ADGRV1: variants seen among roughly 807,000 people sequenced by gnomAD.
ADGRV1 encodes the protein adhesion G protein-coupled receptor V1.
A neutral mutation model predicts 596.2 loss-of-function variants in ADGRV1; 359 were observed. That is an observed-to-expected ratio of 0.60 (90% CI 0.55 to 0.66). ADGRV1 has a LOEUF of 0.66. Among genes scored for constraint, ADGRV1 ranks in the 30% least tolerant of loss-of-function variants. The pLI is 0.00. For synonymous variants in ADGRV1, 2,681 were observed against 2,679.2 expected (o/e 1.00, Z -0.02); for missense variants, 7,274 against 7,575.6 (o/e 0.96, Z 1.48).
At chr5:90,930,956 G>T (rs961850918) in intron 83 of ADGRV1, among the ~76,000 whole-genome samples, 9 of 152,190 alleles carry the variant, frequency 5.9e-5, no homozygotes, top group African/African-American at 2.2e-4. Context: ...TGTTGCATCA[G>T]TGATAAGAAA....
At chr5:90,861,878 G>A (rs1767614024) in intron 82 of ADGRV1, among the ~76,000 whole-genome samples, 1 of 152,104 alleles carries the variant, frequency 6.6e-6, no homozygotes, top group Admixed American at 6.5e-5. Context: ...AGCCAGATGA[G>A]TTTCCCTAGA....
At chr5:91,049,380 A>G (rs1786115240) in intron 85 of ADGRV1, among the ~76,000 whole-genome samples, 1 of 152,214 alleles carries the variant, frequency 6.6e-6, no homozygotes, top group African/African-American at 2.4e-5. Flanking sequence ...CTTTTGAAAT[A>G]GTTAAGTCTA....
rs537600936 is a variant in ADGRV1, at chr5:91,092,245, G to C, written c.18311-9974G>C. ...CTCCCGAATAGCTGGGATTACAGGT[G>C]CCTGCCACCAGGCTGGCTAATTTTT... On this transcript the variant is annotated intron_variant, in intron 86 of 89. Transcript: ENST00000405460. Among the ~76,000 whole-genome samples the C allele has an allele frequency of 7.2e-5, 11 of 152,238 alleles. No individual in the cohort carries two copies. The South Asian group carries it at 2.1e-3, about 29-fold the overall frequency.
Position 90,725,275 on chromosome 5 carries a change from GA to G in ADGRV1, c.10053+46del, listed in dbSNP as rs371262004. The G allele has an allele frequency of 1.5e-4, 178 of 1,151,048 alleles. 1 individual carries two copies. In the East Asian group the frequency reaches 4.6e-3, roughly 30 times the overall value. 71.3% of individuals were successfully genotyped at this position (1,151,048 alleles called of 1,614,324 possible). A position where few individuals can be genotyped will look rare whatever the true frequency, so the allele number is the denominator to read the frequency against. On this transcript the variant is annotated intron_variant, in intron 47 of 89. Coordinates refer to ENST00000405460, the MANE Select transcript of ADGRV1 (RefSeq NM_032119.4). ...TTTAAATAGATTACTTTCTTTAAAA[GA>G]AATTAAGATTTGTAAGATTGTTCAA... is the stretch of plus-strand genomic sequence containing the variant.
intron 9 of ADGRV1, 172 bp downstream of exon 9, chr5:90,629,711 TATAA>T (rs1180537996): frequency 5.8e-6 from 3 of 519,802 alleles, no homozygotes; most frequent in African/African-American, 5.7e-5. Flanking sequence ...TCCTAAGGTA[TATAA>T]GTATAAATAA....
In ADGRV1 at chr5:90,716,630, A is replaced by G. The variant is rs750781900; in HGVS notation, c.9348A>G (p.Thr3116=). The G allele has an allele frequency of 8.1e-6, 13 of 1,613,474 alleles. No individual in the cohort carries two copies. The highest frequency in any genetic ancestry group is 8.5e-6 in the Non-Finnish European group (10 of 1,179,402). The change falls in exon 43 of 90, where the codon ACA becomes ACG. Residue 3116 remains threonine, a synonymous_variant. Coordinates refer to ENST00000405460, the MANE Select transcript of ADGRV1 (RefSeq NM_032119.4). ...EPAQGLFGTV[T]VQFIVTEVNS... The stretch of plus-strand genomic sequence containing the variant: ...CACAAGGATTGTTTGGAACAGTGAC[A>G]GTTCAGTTCATTGTGACAGAAGTGA...
At chr5:90,857,674 G>A (rs1028437076) in intron 82 of ADGRV1, among the ~76,000 whole-genome samples, 1 of 152,000 alleles carries the variant, frequency 6.6e-6, no homozygotes, top group East Asian at 1.9e-4. Context: ...ATGTTCTGTC[G>A]ATAAGGAGAC....
chr5:90,662,260 C>A (rs1260926815), intron 21 of ADGRV1, among the ~76,000 whole-genome samples: 1 of 140,550 alleles, frequency 7.1e-6, no homozygotes, highest in African/African-American at 2.7e-5. Context: ...GTGATGCGAT[C>A]ATGGCTCACT....
At chr5:90,828,074 G>C (rs1015812411) in intron 76 of ADGRV1, among the ~76,000 whole-genome samples, 7 of 152,158 alleles carry the variant, frequency 4.6e-5, no homozygotes, top group Non-Finnish European at 1.0e-4. Context: ...TGAATCATTA[G>C]TAAAAACAGG....
chr5:90,625,280 T>G (rs1176245070), intron 6 of ADGRV1, 37 bp downstream of exon 6: 2 of 1,330,680 alleles, frequency 1.5e-6, no homozygotes, highest in African/African-American at 2.9e-5. Flanking sequence ...GGACAAGGAT[T>G]CTGTGTTGCA....
chr5:90,818,810 G>A (rs941489133), intron 75 of ADGRV1, among the ~76,000 whole-genome samples: 2 of 151,382 alleles, frequency 1.3e-5, no homozygotes, highest in Admixed American at 6.6e-5. Flanking sequence ...TGCTGGATTC[G>A]TTTTGCCAGT....
At chr5:90,702,492 T>C (rs1226342908) in intron 34 of ADGRV1, among the ~76,000 whole-genome samples, 2 of 151,944 alleles carry the variant, frequency 1.3e-5, no homozygotes, top group South Asian at 2.1e-4. Flanking sequence ...AAAAATTATT[T>C]TGTTTTTAAA....
chr5:90,732,267 A>G (rs1347644224), intron 50 of ADGRV1, among the ~76,000 whole-genome samples: 3 of 152,172 alleles, frequency 2.0e-5, no homozygotes, highest in African/African-American at 4.8e-5. Context: ...AAGTGCTGGG[A>G]TTACAGTCAT....
At chr5:90,574,818 G>T (rs546442821) in intron 1 of ADGRV1, among the ~76,000 whole-genome samples, 1 of 152,250 alleles carries the variant, frequency 6.6e-6, no homozygotes, top group Non-Finnish European at 1.5e-5. Context: ...AGTCTTGGGA[G>T]ATTTTGTGCT....
At chr5:90,819,933 T>C (rs1370802372) in intron 75 of ADGRV1, among the ~76,000 whole-genome samples, 535 of 151,580 alleles carry the variant, frequency 3.5e-3, no homozygotes, top group African/African-American at 0.012. Flanking sequence ...CTGTTAGGTC[T>C]GCTTGGTGCA....
intron 83 of ADGRV1, chr5:90,929,417 T>A (rs1196088204): frequency 6.5e-6 from 1 of 153,368 alleles, no homozygotes; most frequent in Non-Finnish European, 1.5e-5. Context: ...GTCACCCCTT[T>A]CTTTGACTTG....
intron 83 of ADGRV1, among the ~76,000 whole-genome samples, chr5:90,894,128 A>G (rs1445132704): frequency 6.6e-6 from 1 of 152,186 alleles, no homozygotes; most frequent in Non-Finnish European, 1.5e-5. Flanking sequence ...TGCAAACAAT[A>G]AAAACTAAAT....
At chr5:90,998,299 G>A (rs1032452080) in intron 85 of ADGRV1, among the ~76,000 whole-genome samples, 6 of 152,188 alleles carry the variant, frequency 3.9e-5, no homozygotes, top group African/African-American at 1.4e-4. Context: ...GAATACCATA[G>A]ACTGGGTGAC....
intron 10 of ADGRV1, among the ~76,000 whole-genome samples, chr5:90,636,832 A>G (rs1006163715): frequency 3.9e-5 from 6 of 152,348 alleles, no homozygotes; most frequent in African/African-American, 1.4e-4. Context: ...GGCAAAGAAA[A>G]AATAAAACAG....
Sources: allele counts gnomAD v4.1 joint callset (sites outside exome capture counted in the v4.1 genomes callset), GRCh38; gene constraint gnomAD v4.1.1; transcripts MANE v1.5; gene names NCBI Gene and HGNC (gene_info 2026-07-23, HGNC 2026-07-21).